The following LINC00632 variants were observed in gnomAD, a reference collection of about 807,000 sequenced individuals.
LINC00632 encodes ALDOA related specific transcript.
exon 5 of LINC00632, among the ~76,000 whole-genome samples, chrX:140,781,871 A>G (rs944040052): frequency 3.6e-5 from 4 of 111,866 alleles, no homozygotes; most frequent in Admixed American, 9.5e-5. Context: ...AACAGAGACA[A>G]TGTAACCTGT....
chrX:140,755,439 A>T (rs1423431685), intron 3 of LINC00632, among the ~76,000 whole-genome samples: 1 of 112,095 alleles, frequency 8.9e-6, no homozygotes, highest in Non-Finnish European at 1.9e-5. Context: ...TACTAGCTAT[A>T]TGGCCTTGGG....
chrX:140,765,742 A>ATCAT (rs112476130), intron 3 of LINC00632, among the ~76,000 whole-genome samples: 2,064 of 109,732 alleles, frequency 0.019, 54 homozygotes, highest in African/African-American at 0.064. Flanking sequence ...TTCAATTCTT[A>ATCAT]CCCCTAGAGC....
chrX:140,732,230 CA>C (rs1008496405), intron 2 of LINC00632, among the ~76,000 whole-genome samples: 1 of 110,039 alleles, frequency 9.1e-6, no homozygotes, highest in Non-Finnish European at 1.9e-5. Context: ...AAAACAAAAA[CA>C]AAAAAAACCA....
exon 5 of LINC00632, chrX:140,782,964 T>A (rs1433317946): frequency 1.8e-5 from 2 of 112,133 alleles, no homozygotes; most frequent in Non-Finnish European, 3.8e-5. Flanking sequence ...CATCTGCTGT[T>A]GTTTATATCT....
At chrX:140,790,373 T>C (rs1932089842) in exon 5 of LINC00632, among the ~76,000 whole-genome samples, 1 of 111,567 alleles carries the variant, frequency 9.0e-6, no homozygotes, top group East Asian at 2.8e-4. Flanking sequence ...TATCATGAAC[T>C]ATATGGGTAT....
chrX:140,746,920 C>T (rs1453503513), intron 3 of LINC00632, among the ~76,000 whole-genome samples: 1 of 111,790 alleles, frequency 8.9e-6, no homozygotes, highest in African/African-American at 3.3e-5. Context: ...CATTTCGTCA[C>T]ACACACTGAC....
chrX:140,738,183 T>C (rs1378323935), intron 3 of LINC00632, among the ~76,000 whole-genome samples: 5 of 111,896 alleles, frequency 4.5e-5, no homozygotes, highest in African/African-American at 1.6e-4. Context: ...AAAATAATGC[T>C]TAATTTTAAG....
chrX:140,772,665 G>C lies in LINC00632; in HGVS notation n.779G>C, dbSNP rs758841580. 5 of 169,067 alleles carry C rather than the reference G, an allele frequency of 3.0e-5. No individual in the cohort carries two copies. The East Asian group carries it at 5.7e-4, about 19-fold the overall frequency. The allele number at this position is 169,067 out of a possible 1,213,427, so 13.9% of individuals were successfully genotyped here. A position where few individuals can be genotyped will look rare whatever the true frequency, so the allele number is the denominator to read the frequency against. The stretch of plus-strand genomic sequence containing the variant: ...ATGAACCTACACATCATACAATAAA[G>C]AAAATTGAGAAAGCAGTTGGGGCCA... On this transcript the variant is annotated non_coding_transcript_exon_variant, in exon 4 of 5. Transcript: ENST00000648200.
At chrX:140,759,328 CCTTCCTTCCTTCCTTCCTTTCTTT>C (rs1276216686) in intron 3 of LINC00632, among the ~76,000 whole-genome samples, 36 of 74,262 alleles carry the variant, frequency 4.8e-4, no homozygotes, top group East Asian at 1.5e-3. Context: ...TTCCTTCCTT[CCTTCCTTCCTTCCTTCCTTTCTTT>C]CTTTCTTTCT....
Position 140,783,227 on chromosome X carries a change from C to T in LINC00632, n.11246C>T, listed in dbSNP as rs769890541. 7 of 203,066 alleles carry T rather than the reference C, an allele frequency of 3.4e-5. No individual in the cohort carries two copies. In the South Asian group the frequency reaches 4.8e-4, roughly 14 times the overall value. The allele number at this position is 203,066 out of a possible 1,213,427, so 16.7% of individuals were successfully genotyped here. A position where few individuals can be genotyped will look rare whatever the true frequency, so the allele number is the denominator to read the frequency against. On this transcript the variant is annotated non_coding_transcript_exon_variant, in exon 5 of 5. Transcript: ENST00000648200. ...CTTCCAACAACTCCGGGTCTTCCAG[C>T]GACTTCAAGTCTTCCAATAATCTCA...
At chrX:140,710,212 C>T (rs1050099094) in intron 1 of LINC00632, among the ~76,000 whole-genome samples, 1 of 111,902 alleles carries the variant, frequency 8.9e-6, no homozygotes, top group Non-Finnish European at 1.9e-5. Flanking sequence ...GCTGGGAGAG[C>T]ATAAGAAAAA....
At chrX:140,749,399 T>C (rs1931377486) in intron 3 of LINC00632, among the ~76,000 whole-genome samples, 1 of 111,883 alleles carries the variant, frequency 8.9e-6, no homozygotes, top group Admixed American at 9.6e-5. Context: ...TTATTTTCTC[T>C]AATCTTGAAG....
At chrX:140,755,486 T>C (rs1481942956) in intron 3 of LINC00632, among the ~76,000 whole-genome samples, 1 of 112,338 alleles carries the variant, frequency 8.9e-6, no homozygotes, top group Non-Finnish European at 1.9e-5. Context: ...ACTTGTAAAA[T>C]AGGAATCATA....
chrX:140,788,174 G>T (rs2148407490), exon 5 of LINC00632, among the ~76,000 whole-genome samples: 1 of 110,302 alleles, frequency 9.1e-6, no homozygotes, highest in South Asian at 3.9e-4. Context: ...GGTCACTGGG[G>T]TTGAGGAAAT....
At chrX:140,745,688 T>C (rs1931316468) in intron 3 of LINC00632, among the ~76,000 whole-genome samples, 3 of 112,069 alleles carry the variant, frequency 2.7e-5, no homozygotes, top group Non-Finnish European at 5.6e-5. Context: ...ATTTCACTAC[T>C]GAATGTAGGT....
chrX:140,755,094 A>G (rs1931471620), intron 3 of LINC00632, among the ~76,000 whole-genome samples: 1 of 112,093 alleles, frequency 8.9e-6, no homozygotes, highest in African/African-American at 3.2e-5. Context: ...AAAATAACTA[A>G]AAACCTAGGC....
chrX:140,776,947 T>C (rs1045231766), exon 5 of LINC00632, among the ~76,000 whole-genome samples: 2 of 111,207 alleles, frequency 1.8e-5, no homozygotes, highest in African/African-American at 6.6e-5. Flanking sequence ...CAACATGGAA[T>C]ATACTGCAGC....
exon 5 of LINC00632, chrX:140,782,835 C>T (rs1243628742): frequency 1.9e-5 from 2 of 107,315 alleles, no homozygotes; most frequent in Non-Finnish European, 3.8e-5. Flanking sequence ...TCTTGACATC[C>T]AGCATCTTTA....
rs148725668 is a variant in LINC00632, at chrX:140,710,697, T to C, written n.68+892T>C. On this transcript the variant is annotated intron_variant and non_coding_transcript_variant, in intron 1 of 4. Coordinates refer to ENST00000648200, the Ensembl canonical transcript of LINC00632. ...ATTCCTTTGAAATTCAAACTGGCCC[T>C]TGAACGTGAGGAAAAGAAAAATGAT... 9.8e-4 allele frequency among the ~76,000 whole-genome samples: 108 copies of C among 110,627 alleles called. 2 individuals carry two copies. The East Asian group carries it at 0.029, about 30-fold the overall frequency.
Sources: gnomAD v4.1 joint callset for allele counts (sites outside exome capture counted in the v4.1 genomes callset) on GRCh38, gnomAD v4.1.1 for gene constraint, MANE v1.5 for transcripts, NCBI Gene and HGNC (gene_info 2026-07-23, HGNC 2026-07-21) for gene names.